The following APAF1 variants were observed in gnomAD, a reference collection of about 807,000 sequenced individuals.
APAF1 encodes the protein apoptotic protease-activating factor 1.
In APAF1, 91 loss-of-function variants were observed where a neutral mutation model predicts 152.4. The ratio of observed to expected loss-of-function variants is 0.60; its 90% CI spans 0.50 to 0.71. The LOEUF (loss-of-function observed/expected upper bound fraction) is 0.71, where lower values mean the gene tolerates loss of function less well. Ranked by LOEUF, APAF1 falls within the 30% of genes least tolerant of loss-of-function variation. The probability of loss-of-function intolerance (pLI) is 0.00; values close to 1 mark genes in which losing one functional copy is unlikely to be tolerated. For synonymous variants in APAF1, 484 were observed against 494.1 expected (o/e 0.98, Z 0.27); for missense variants, 1,283 against 1,472.0 (o/e 0.87, Z 2.10).
chr12:98,715,412 T>C lies in APAF1; in HGVS notation c.2959-15T>C. ...TTAGTTTCTTCTTAATTTTCTGTGT[T>C]TTTCTGCTTTGAAGATTTTAGAACT... On this transcript the variant is annotated splice_polypyrimidine_tract_variant and intron_variant, in intron 21 of 26. Transcript: ENST00000551964. 3 of 1,612,720 alleles carry C rather than the reference T, an allele frequency of 1.9e-6. No homozygotes were observed. Among genetic ancestry groups the C allele is most frequent in the Non-Finnish European group, 1.7e-6 (2 of 1,179,310 alleles).
At chr12:98,650,846 G>A (rs1292823390) in intron 4 of APAF1, among the ~76,000 whole-genome samples, 1 of 152,090 alleles carries the variant, frequency 6.6e-6, no homozygotes, top group Non-Finnish European at 1.5e-5. Flanking sequence ...TTTAGCTTAA[G>A]TTCCTTTAGT....
At chr12:98,721,230 C>A (rs922354967) in intron 22 of APAF1, among the ~76,000 whole-genome samples, 4 of 152,172 alleles carry the variant, frequency 2.6e-5, no homozygotes, top group African/African-American at 7.2e-5. Flanking sequence ...CCTTCTGTAA[C>A]AAAAGCTGCA....
chr12:98,667,569 T>C lies in APAF1; in HGVS notation c.1419T>C (p.Leu473=). Reference sequence around the variant, plus strand: ...AGAGATATCACCAGCCGCATACTCTTTCACCAGATCAGGAAGACTGTATGT... The same window carrying C: ...AGAGATATCACCAGCCGCATACTCTCTCACCAGATCAGGAAGACTGTATGT... ...QFQRYHQPHT[L]SPDQEDCMYW... is the part of the protein sequence containing the mutation. Residue 473 remains leucine, a synonymous_variant, in exon 10 of 27, where the codon CTT becomes CTC. Coordinates refer to ENST00000551964, the MANE Select transcript of APAF1 (RefSeq NM_181861.2). The C allele has an allele frequency of 2.5e-6, 4 of 1,614,040 alleles. No homozygotes were observed. The highest frequency in any genetic ancestry group is 2.5e-6 in the Non-Finnish European group (3 of 1,179,982).
In APAF1 at chr12:98,683,130, C is replaced by T. The variant is rs764669890; in HGVS notation, c.2047-13C>T. 1 of 1,609,600 alleles carries T rather than the reference C, an allele frequency of 6.2e-7. No individual in the cohort carries two copies. The highest frequency in any genetic ancestry group is 1.1e-5 in the South Asian group (1 of 90,956). ...TAATGGATATTTGTAAATTTTTTCT[C>T]TTTTCTCTTTAGATTTGGAATTCTA... On this transcript the variant is annotated splice_polypyrimidine_tract_variant and intron_variant, in intron 14 of 26. Coordinates refer to ENST00000551964, the MANE Select transcript of APAF1 (RefSeq NM_181861.2).
chr12:98,648,239 C>T (rs531275221), intron 1 of APAF1, 80 bp from the exon 2 acceptor site: 36 of 1,313,930 alleles, frequency 2.7e-5, no homozygotes, highest in South Asian at 1.9e-4. Flanking sequence ...GTTCTTTTTA[C>T]GTTTCTTGTT....
intron 9 of APAF1, among the ~76,000 whole-genome samples, chr12:98,666,731 C>A (rs1234264486): frequency 6.6e-6 from 1 of 151,866 alleles, no homozygotes; most frequent in Non-Finnish European, 1.5e-5. Context: ...GTACAGTATA[C>A]CCAAATTTGG....
chr12:98,673,993 G>A (rs1225596199), intron 12 of APAF1, among the ~76,000 whole-genome samples: 1 of 151,918 alleles, frequency 6.6e-6, no homozygotes, highest in Non-Finnish European at 1.5e-5. Flanking sequence ...ATTTTTGTTG[G>A]TTTTATTTAT....
chr12:98,672,035 G>C (rs2097680830), intron 12 of APAF1, among the ~76,000 whole-genome samples: 1 of 152,186 alleles, frequency 6.6e-6, no homozygotes, highest in Non-Finnish European at 1.5e-5. Flanking sequence ...ACAGAACTGG[G>C]TTTGAGCCTC....
chr12:98,723,836 G>T (rs1476898373), intron 24 of APAF1, 72 bp downstream of exon 24: 1 of 1,484,812 alleles, frequency 6.7e-7, no homozygotes, highest in Admixed American at 1.7e-5. Flanking sequence ...AATAATATAT[G>T]CAAAAGGACA....
intron 26 of APAF1, 46 bp downstream of exon 26, chr12:98,727,362 A>G (rs749040226): frequency 3.1e-6 from 5 of 1,602,626 alleles, no homozygotes; most frequent in Middle Eastern, 1.7e-4. Context: ...AGCCTATATC[A>G]TACTTTCCAA....
intron 16 of APAF1, among the ~76,000 whole-genome samples, chr12:98,697,246 G>A (rs778544930): frequency 1.2e-4 from 19 of 152,156 alleles, no homozygotes; most frequent in Non-Finnish European, 1.3e-4. Flanking sequence ...CCTGTACAAA[G>A]TGTTCCCTCA....
intron 16 of APAF1, among the ~76,000 whole-genome samples, chr12:98,693,065 TAA>T (rs112776504): frequency 0.13 from 18,345 of 144,372 alleles, 1,173 homozygotes; most frequent in East Asian, 0.25. Context: ...ATTTTTTGAC[TAA>T]AAAAAAAAAA....
rs1392319285 is a variant in APAF1, at chr12:98,651,795, G to T, written c.526+2111G>T. 3.3e-5 allele frequency among the ~76,000 whole-genome samples: 5 copies of T among 151,876 alleles called. No homozygotes were observed. The East Asian group carries it at 9.6e-4, about 29-fold the overall frequency. ...CCACCTTAGCCTCCTGAGGAGCTGG[G>T]TGCACACGCCACCATGCCTGGCTAA... On this transcript the variant is annotated intron_variant, in intron 4 of 26. Coordinates refer to ENST00000551964, the MANE Select transcript of APAF1 (RefSeq NM_181861.2).
chr12:98,728,969 T>C (rs1243296794), intron 26 of APAF1, among the ~76,000 whole-genome samples: 5 of 152,254 alleles, frequency 3.3e-5, no homozygotes, highest in Non-Finnish European at 7.3e-5. Flanking sequence ...GCTAAGCTAC[T>C]GCTCTGTGGC....
chr12:98,677,396 A>T, intron 12 of APAF1, 29 bp from the exon 13 acceptor site: 1 of 1,610,746 alleles, frequency 6.2e-7, no homozygotes. Context: ...CATTTATTTA[A>T]TTTCTGTTCA....
rs1213547777 is a variant in APAF1, at chr12:98,658,077, G to T, written c.527-1083G>T. ...TCATTTATCTTTGAGTCTGTTTTTT[G>T]CTTTTTTTGGTATGTTTAAGATCAC... is the stretch of plus-strand genomic sequence containing the variant. On this transcript the variant is annotated intron_variant, in intron 4 of 26. Coordinates refer to ENST00000551964, the MANE Select transcript of APAF1 (RefSeq NM_181861.2). 3.3e-5 allele frequency among the ~76,000 whole-genome samples: 5 copies of T among 151,820 alleles called. 1 individual carries two copies. The highest frequency in any genetic ancestry group is 1.2e-4 in the African/African-American group (5 of 41,430).
At chr12:98,684,947 G>A (rs1357421114) in intron 15 of APAF1, among the ~76,000 whole-genome samples, 1 of 152,186 alleles carries the variant, frequency 6.6e-6, no homozygotes, top group East Asian at 1.9e-4. Flanking sequence ...TGCATTTCTT[G>A]TGATTCTTGA....
Position 98,667,765 on chromosome 12 carries a change from A to ATTTTTTTTTT in APAF1, c.1494+136_1494+145dup, listed in dbSNP as rs71305589. The ATTTTTTTTTT allele has an allele frequency of 3.1e-5, 10 of 322,498 alleles. 1 individual carries two copies. Among genetic ancestry groups the ATTTTTTTTTT allele is most frequent in the Admixed American group, 2.0e-4 (3 of 14,926 alleles). 20.0% of individuals were successfully genotyped at this position (322,498 alleles called of 1,614,324 possible). On this transcript the variant is annotated intron_variant, in intron 10 of 26. Transcript: ENST00000551964. The stretch of plus-strand genomic sequence containing the variant: ...TTTTGTTCATATTGCTTTCCATTTG[A>ATTTTTTTTTT]TTTTTTTTTTTTTTTTTTTTTTTTG...
intron 21 of APAF1, 155 bp downstream of exon 21, chr12:98,712,590 G>A: frequency 1.6e-6 from 1 of 619,140 alleles, no homozygotes; most frequent in Non-Finnish European, 2.9e-6. Context: ...GATCACAGCC[G>A]ACTGCAGCCT....
Sources: gnomAD v4.1 joint callset for allele counts (sites outside exome capture counted in the v4.1 genomes callset) on GRCh38, gnomAD v4.1.1 for gene constraint, MANE v1.5 for transcripts, NCBI Gene and HGNC (gene_info 2026-07-23, HGNC 2026-07-21) for gene names.